The following KIAA1210 variants were observed in gnomAD, a reference collection of about 807,000 sequenced individuals.
KIAA1210 encodes the protein KIAA1210.
Under a neutral mutation model 78.9 loss-of-function variants are expected in KIAA1210, and 48 were observed. That is an observed-to-expected ratio of 0.61 (90% CI 0.48 to 0.77). The LOEUF is 0.77. Among genes scored for constraint, KIAA1210 ranks in the 30% least tolerant of loss-of-function variants. The pLI is 0.00. For synonymous variants in KIAA1210, 406 were observed against 404.5 expected (o/e 1.00, Z -0.04); for missense variants, 1,108 against 1,100.0 (o/e 1.01, Z -0.10).
At chrX:119,091,089 AAAG>A (rs1391405032) in intron 8 of KIAA1210, among the ~76,000 whole-genome samples, 1 of 112,611 alleles carries the variant, frequency 8.9e-6, no homozygotes, top group African/African-American at 3.2e-5. Context: ...ACAATTCTCA[AAAG>A]AAGATATACA....
At chrX:119,111,416 T>C (rs1394538208) in intron 3 of KIAA1210, among the ~76,000 whole-genome samples, 2 of 111,914 alleles carry the variant, frequency 1.8e-5, no homozygotes, top group Non-Finnish European at 1.9e-5. Flanking sequence ...CATGGAATAC[T>C]ATGCAGCCAT....
chrX:119,111,198 T>C (rs1262324743), intron 3 of KIAA1210, among the ~76,000 whole-genome samples: 1 of 111,698 alleles, frequency 9.0e-6, no homozygotes, highest in Admixed American at 9.5e-5. Context: ...AAAAGAATAG[T>C]CTCTTCAACA....
chrX:119,149,280 C>A (rs985416322), intron 1 of KIAA1210, among the ~76,000 whole-genome samples: 1 of 111,406 alleles, frequency 9.0e-6, no homozygotes, highest in African/African-American at 3.3e-5. Context: ...TGTTTACTGG[C>A]CTGGTCACCC....
exon 1 of KIAA1210, chrX:119,150,386 T>C (rs772486515): frequency 8.3e-7 from 1 of 1,210,349 alleles, no homozygotes; most frequent in South Asian, 1.8e-5. Flanking sequence ...TGGGCCAAGC[T>C]CCCCCTTGGT....
At chrX:119,126,211 G>A (rs1287364919) in intron 1 of KIAA1210, among the ~76,000 whole-genome samples, 2 of 108,610 alleles carry the variant, frequency 1.8e-5, no homozygotes, top group African/African-American at 6.7e-5. Context: ...TCCAGAGGTG[G>A]GGGGCCGGGG....
Position 119,150,473 on chromosome X carries a change from CT to C in KIAA1210, c.106del (p.Arg36GlyfsTer17). 8.3e-7 allele frequency: 1 copy of C among 1,211,827 alleles called. No homozygotes were observed. Among genetic ancestry groups the C allele is most frequent in the Non-Finnish European group, 1.1e-6 (1 of 895,455 alleles). ...TTGGGAATACGCTCGACTTCCAATC[CT>C]GGCCCCTCGGTCCCTGGGGCCCAGG... On this transcript the variant is annotated frameshift_variant, in exon 1 of 14. Transcript: ENST00000402510. LOFTEE classifies it high-confidence loss of function.
At position 119,093,783 on chromosome X, in the gene KIAA1210, A is replaced by G. The variant is rs1439924921; in HGVS notation, c.847-8T>C. On this transcript the variant is annotated splice_polypyrimidine_tract_variant and splice_region_variant and intron_variant, in intron 7 of 11. Coordinates refer to ENST00000691062, the MANE Select transcript of KIAA1210 (RefSeq NM_001394962.1). ...CTCCTCCTTTGGTTCCACCTGAAAC[A>G]GGAAAAGAAAGAGCTTGAATCCTAC... 1 of 1,173,296 alleles carries G rather than the reference A, an allele frequency of 8.5e-7. No homozygotes were observed. The highest frequency in any genetic ancestry group is 1.2e-6 in the Non-Finnish European group (1 of 865,684).
chrX:119,147,504 G>A, exon 2 of KIAA1210: 3 of 1,211,417 alleles, frequency 2.5e-6, no homozygotes, highest in Non-Finnish European at 3.4e-6. Context: ...AGTAGGAGAA[G>A]CTGACTAGCA....
intron 6 of KIAA1210, among the ~76,000 whole-genome samples, chrX:119,098,983 C>A (rs1927649441): frequency 8.9e-6 from 1 of 111,802 alleles, no homozygotes; most frequent in African/African-American, 3.3e-5. Flanking sequence ...GTCATCAGAG[C>A]AAGCTCCTCT....
At chrX:119,105,306 C>A (rs766201797) in intron 5 of KIAA1210, among the ~76,000 whole-genome samples, 159 bp from the exon 6 acceptor site, 2 of 111,795 alleles carry the variant, frequency 1.8e-5, no homozygotes, top group African/African-American at 6.5e-5. Flanking sequence ...GAATTTCCTA[C>A]CTCCCCGTCT....
In KIAA1210 at chrX:119,088,859, C is replaced by A. The variant is rs769432295; in HGVS notation, c.1843G>T (p.Asp615Tyr). The change falls in exon 9 of 12, where the codon GAT becomes TAT. Residue 615 changes from aspartate (D) to tyrosine (Y), a missense_variant. Transcript: ENST00000691062. ...SDSENIPEEG[D>Y]GSEELAHGHS... Reference sequence around the variant, plus strand: ...CCATGAGCCAGTTCTTCAGAACCATCCCCCTCCTCAGGAATATTCTCTGAA... The same window carrying A: ...CCATGAGCCAGTTCTTCAGAACCATACCCCTCCTCAGGAATATTCTCTGAA... 3 of 1,211,170 alleles carry A rather than the reference C, an allele frequency of 2.5e-6. No homozygotes were observed. The highest frequency in any genetic ancestry group is 3.4e-6 in the Non-Finnish European group (3 of 895,246).
chrX:119,113,760 A>G (rs902476026), intron 3 of KIAA1210, among the ~76,000 whole-genome samples: 3 of 112,127 alleles, frequency 2.7e-5, no homozygotes, highest in Non-Finnish European at 5.6e-5. Flanking sequence ...TATATAAAAG[A>G]TGAGATTAGA....
At position 119,082,272 on chromosome X, in the gene KIAA1210, A is replaced by G. The variant is rs751073197; in HGVS notation, c.4426+743T>C. ...CAGTGACAGTTGTGATTCACTTGAT[A>G]GGAGTATAGTGCCCATGAGGCCATT... On this transcript the variant is annotated intron_variant, in intron 11 of 11. Transcript: ENST00000691062. Among the ~76,000 whole-genome samples, 5 of 112,249 alleles carry G rather than the reference A, an allele frequency of 4.5e-5. No homozygotes were observed. In the East Asian group the frequency reaches 1.4e-3, roughly 31 times the overall value.
chrX:119,098,006 G>T (rs1927610157), intron 6 of KIAA1210, among the ~76,000 whole-genome samples: 1 of 111,981 alleles, frequency 8.9e-6, no homozygotes, highest in African/African-American at 3.2e-5. Context: ...TAGACTAAAA[G>T]CTCTTCTTTT....
intron 8 of KIAA1210, 73 bp from the exon 9 acceptor site, chrX:119,089,819 T>G: frequency 1.0e-6 from 1 of 963,785 alleles, no homozygotes; most frequent in Non-Finnish European, 1.4e-6. Flanking sequence ...TACTGTGCCC[T>G]GGCCCAGTGG....
At chrX:119,145,082 C>T (rs1050802110) in intron 2 of KIAA1210, among the ~76,000 whole-genome samples, 11 of 111,919 alleles carry the variant, frequency 9.8e-5, no homozygotes, top group African/African-American at 2.6e-4. Context: ...AGTAGCCACA[C>T]GTGGCTAGTG....
exon 1 of KIAA1210, chrX:119,150,579 T>C (rs1227476170): frequency 8.3e-7 from 1 of 1,201,328 alleles, no homozygotes. Flanking sequence ...CCGGCCCTCA[T>C]TTCCCCGCGT....
chrX:119,090,660 T>C (rs1409114874), intron 8 of KIAA1210, among the ~76,000 whole-genome samples: 1 of 110,641 alleles, frequency 9.0e-6, no homozygotes, highest in African/African-American at 3.3e-5. Flanking sequence ...TCTACCCTCT[T>C]ACATTAAAAC....
exon 1 of KIAA1210, chrX:119,150,339 G>A (rs1450500200): frequency 1.1e-5 from 13 of 1,206,125 alleles, no homozygotes; most frequent in African/African-American, 1.8e-5. Context: ...AGGAAGCCCC[G>A]GGAATAACTA....
Sources: gnomAD v4.1 joint callset for allele counts (sites outside exome capture counted in the v4.1 genomes callset) on GRCh38, gnomAD v4.1.1 for gene constraint, MANE v1.5 for transcripts, NCBI Gene and HGNC (gene_info 2026-07-23, HGNC 2026-07-21) for gene names.